Variants in PIAS2 observed in about 807,000 individuals in gnomAD.
PIAS2 encodes the protein protein inhibitor of activated STAT 2.
A neutral mutation model predicts 69.7 loss-of-function variants in PIAS2; 19 were observed. The ratio of observed to expected loss-of-function variants is 0.27; its 90% CI spans 0.19 to 0.40. PIAS2 has a LOEUF of 0.40. PIAS2 is among the 10% of genes least tolerant of loss of function. The pLI is 1.00. For synonymous variants in PIAS2, 261 were observed against 263.2 expected (o/e 0.99, Z 0.08); for missense variants, 624 against 757.0 (o/e 0.82, Z 2.06).
At chr18:46,822,956 A>G (rs377132699) in intron 11 of PIAS2, among the ~76,000 whole-genome samples, 1 of 151,958 alleles carries the variant, frequency 6.6e-6, no homozygotes. Flanking sequence ...GTACATTTAG[A>G]GCCAGGCAAG....
rs1054839447 is a variant in PIAS2 at position 46,803,914 on chromosome 18, C to A, written c.*8519G>T. On this transcript the variant is annotated 3_prime_UTR_variant, in exon 14 of 14. Transcript: ENST00000585916. ...ACCCACCCCTCATTAATGGCCCTTG[C>A]CCCTGTAAGTTTTGGAGTTCAGAAG... 6.6e-6 allele frequency: 1 copy of A among 152,198 alleles called. No individual in the cohort carries two copies. Among genetic ancestry groups the A allele is most frequent in the African/African-American group, 2.4e-5 (1 of 41,430 alleles). The allele number at this position is 152,198 out of a possible 1,614,324, so 9.4% of individuals were successfully genotyped here. A position where few individuals can be genotyped will look rare whatever the true frequency, so the allele number is the denominator to read the frequency against.
intron 3 of PIAS2, among the ~76,000 whole-genome samples, chr18:46,859,427 C>CAAAAAAAAAA (rs55776913): frequency 1.6e-4 from 14 of 89,554 alleles, no homozygotes; most frequent in Non-Finnish European, 2.2e-4. Context: ...GACTCCGTCT[C>CAAAAAAAAAA]AAAAAAAAAA....
Position 46,810,616 on chromosome 18 carries a change from A to G in PIAS2, c.*1817T>C, listed in dbSNP as rs2040936965. On this transcript the variant is annotated 3_prime_UTR_variant, in exon 14 of 14. Transcript: ENST00000585916. ...AACATCTTTAAAATAAGCAGCCCCC[A>G]CAAAGGGATAATCCATTGAATAAGG... 1 of 152,064 alleles carries G rather than the reference A, an allele frequency of 6.6e-6. No individual in the cohort carries two copies. The highest frequency in any genetic ancestry group is 6.6e-5 in the Admixed American group (1 of 15,256). The allele number at this position is 152,064 out of a possible 1,614,324, so 9.4% of individuals were successfully genotyped here.
chr18:46,842,184 C>T (rs1336874173), intron 8 of PIAS2, among the ~76,000 whole-genome samples: 1 of 148,076 alleles, frequency 6.8e-6, no homozygotes, highest in Non-Finnish European at 1.5e-5. Context: ...TGTGTTCATG[C>T]TACTGCATTC....
At chr18:46,842,237 A>T (rs1025144109) in intron 8 of PIAS2, among the ~76,000 whole-genome samples, 10 of 150,030 alleles carry the variant, frequency 6.7e-5, no homozygotes, top group Middle Eastern at 3.2e-3. Context: ...AAAAAAATTT[A>T]AAATAAATTA....
chr18:46,894,462 C>T (rs938463098), intron 1 of PIAS2, among the ~76,000 whole-genome samples: 2 of 152,084 alleles, frequency 1.3e-5, no homozygotes, highest in Non-Finnish European at 2.9e-5. Flanking sequence ...TTTTTCCAAG[C>T]GGTTTTTCCA....
intron 1 of PIAS2, among the ~76,000 whole-genome samples, chr18:46,913,121 C>T (rs1359327715): frequency 6.6e-6 from 1 of 152,118 alleles, no homozygotes; most frequent in Non-Finnish European, 1.5e-5. Flanking sequence ...TCTATCATAG[C>T]TATTAGTCTG....
At chr18:46,853,275 CT>C (rs59385589) in intron 5 of PIAS2, among the ~76,000 whole-genome samples, 11,719 of 138,548 alleles carry the variant, frequency 0.085, 477 homozygotes, top group African/African-American at 0.11. Context: ...ACCTGAGAGC[CT>C]TTTTTTTTTT....
rs1438887671 is a variant in PIAS2 at position 46,816,337 on chromosome 18, ATATT to A, written c.1649-992_1649-989del. 5 of 958,982 alleles carry A rather than the reference ATATT, an allele frequency of 5.2e-6. No individual in the cohort carries two copies. The African/African-American group carries it at 5.3e-5, about 10-fold the overall frequency. The allele number at this position is 958,982 out of a possible 1,614,324, so 59.4% of individuals were successfully genotyped here. On this transcript the variant is annotated intron_variant, in intron 12 of 13. Transcript: ENST00000585916. ...AATTTATAACTCAAAAAATTTAAGTATATTTATTCTCTTATAATCTCCAAATAAG... is the reference window on the plus strand; with the variant it reads ...AATTTATAACTCAAAAAATTTAAGTATATTCTCTTATAATCTCCAAATAAG...
At chr18:46,883,893 G>A (rs2052698939) in intron 2 of PIAS2, among the ~76,000 whole-genome samples, 1 of 152,142 alleles carries the variant, frequency 6.6e-6, no homozygotes, top group African/African-American at 2.4e-5. Flanking sequence ...GTGGGTCCCA[G>A]CAACTTGGAA....
In PIAS2 at chr18:46,805,594, G is replaced by A. The variant is rs2040649332; in HGVS notation, c.*6839C>T. On this transcript the variant is annotated 3_prime_UTR_variant, in exon 14 of 14. Coordinates refer to ENST00000585916, the MANE Select transcript of PIAS2 (RefSeq NM_004671.5). ...TTGAGATATGTAGAATGTGAACACA[G>A]CCCACGCTGGTGTGAGCTGTAGGGT... is the stretch of plus-strand genomic sequence containing the variant. 1 of 152,262 alleles carries A rather than the reference G, an allele frequency of 6.6e-6. No homozygotes were observed. The highest frequency in any genetic ancestry group is 2.1e-4 in the South Asian group (1 of 4,832). 9.4% of individuals were successfully genotyped at this position (152,262 alleles called of 1,614,324 possible). A position where few individuals can be genotyped will look rare whatever the true frequency, so the allele number is the denominator to read the frequency against.
At chr18:46,918,630 C>G (rs1032435577), upstream of PIAS2, among the ~76,000 whole-genome samples, 5 of 152,164 alleles carry the variant, frequency 3.3e-5, no homozygotes, top group Non-Finnish European at 5.9e-5. Flanking sequence ...CCAAGTTGGT[C>G]AGGCTGGTCT....
At chr18:46,855,062 T>C (rs2047536614) in intron 5 of PIAS2, among the ~76,000 whole-genome samples, 1 of 123,568 alleles carries the variant, frequency 8.1e-6, no homozygotes, top group Non-Finnish European at 1.6e-5. Flanking sequence ...AGCCTATAAA[T>C]TCAAATCAAG....
intron 2 of PIAS2, among the ~76,000 whole-genome samples, chr18:46,884,675 T>G (rs1432724554): frequency 6.6e-6 from 1 of 152,006 alleles, no homozygotes; most frequent in Non-Finnish European, 1.5e-5. Context: ...CAGCACTTTG[T>G]GAGGCCAAGG....
chr18:46,844,245 G>A (rs540726525), intron 7 of PIAS2, 118 bp from the exon 8 acceptor site: 4 of 426,794 alleles, frequency 9.4e-6, no homozygotes, highest in South Asian at 8.8e-5. Context: ...TTGACAACAC[G>A]ATCACACTCC....
At chr18:46,889,949 G>A (rs1336226187) in intron 2 of PIAS2, among the ~76,000 whole-genome samples, 1 of 152,192 alleles carries the variant, frequency 6.6e-6, no homozygotes, top group African/African-American at 2.4e-5. Flanking sequence ...ATGAGTAGTG[G>A]AGTGAGCAAA....
At position 46,809,120 on chromosome 18, in the gene PIAS2, A is replaced by T. The variant is rs1243372818; in HGVS notation, c.*3313T>A. On this transcript the variant is annotated 3_prime_UTR_variant, in exon 14 of 14. Coordinates refer to ENST00000585916, the MANE Select transcript of PIAS2 (RefSeq NM_004671.5). ...CCTTTCTTCAAATTCCTCAAGACTA[A>T]GGAAAACTTGGTTTTATACCAAGAA... 1.3e-5 allele frequency: 2 copies of T among 152,208 alleles called. No homozygotes were observed. The highest frequency in any genetic ancestry group is 4.8e-5 in the African/African-American group (2 of 41,460). 9.4% of individuals were successfully genotyped at this position (152,208 alleles called of 1,614,324 possible). A position where few individuals can be genotyped will look rare whatever the true frequency, so the allele number is the denominator to read the frequency against.
At position 46,809,755 on chromosome 18, in the gene PIAS2, CA is replaced by C. The variant is rs33932283; in HGVS notation, c.*2677del. 0.47 allele frequency: 51,509 copies of C among 110,296 alleles called. 9,097 individuals are homozygous for C. Among genetic ancestry groups the C allele is most frequent in the Middle Eastern group, 0.55 (123 of 224 alleles). The allele number at this position is 110,296 out of a possible 1,614,324, so 6.8% of individuals were successfully genotyped here. ...GGGCAACAAGAGCAAGACTCAGCCT[CA>C]AAAAAAAAAAAAAAAAAATTGATTT... On this transcript the variant is annotated 3_prime_UTR_variant, in exon 14 of 14. Transcript: ENST00000585916.
intron 6 of PIAS2, among the ~76,000 whole-genome samples, chr18:46,845,297 T>C (rs1469448593): frequency 1.3e-5 from 2 of 152,192 alleles, no homozygotes; most frequent in Non-Finnish European, 2.9e-5. Context: ...GTGGTCTGAA[T>C]TAACACTGCA....
Sources: allele counts gnomAD v4.1 joint callset (sites outside exome capture counted in the v4.1 genomes callset), GRCh38; gene constraint gnomAD v4.1.1; transcripts MANE v1.5; gene names NCBI Gene and HGNC (gene_info 2026-07-23, HGNC 2026-07-21).